ATP11A: variants seen among roughly 807,000 people sequenced by gnomAD.
ATP11A encodes the protein phospholipid-transporting ATPase IH.
A neutral mutation model predicts 154.4 loss-of-function variants in ATP11A; 81 were observed. The ratio of observed to expected loss-of-function variants is 0.52; its 90% CI spans 0.44 to 0.63. ATP11A has a LOEUF of 0.63. Among genes scored for constraint, ATP11A ranks in the 30% least tolerant of loss-of-function variants. The pLI, the probability that ATP11A is intolerant of heterozygous loss-of-function variation, is 0.00. For missense variants in ATP11A, 1,316 were observed against 1,474.3 expected, an observed-to-expected ratio of 0.89 and a Z score of 1.76; for synonymous variants, 623 against 585.9, an observed-to-expected ratio of 1.06 and a Z score of -0.91.
chr13:112,854,652 G>A, intron 19 of ATP11A, 122 bp downstream of exon 19: 5 of 1,199,932 alleles, frequency 4.2e-6, no homozygotes, highest in Non-Finnish European at 5.7e-6. Context: ...TCTCCCCTGG[G>A]GCATTAATGC....
At chr13:112,854,240 G>A in intron 18 of ATP11A, 39 bp from the exon 19 acceptor site, 1 of 1,606,048 alleles carries the variant, frequency 6.2e-7, no homozygotes. Context: ...GGTCAGCACT[G>A]ACTTTTCTCT....
intron 1 of ATP11A, among the ~76,000 whole-genome samples, chr13:112,722,317 G>C (rs1889298778): frequency 6.6e-6 from 1 of 151,514 alleles, no homozygotes; most frequent in Non-Finnish European, 1.5e-5. Context: ...GGGAGAGGGG[G>C]GCGGCCAGGG....
intron 1 of ATP11A, among the ~76,000 whole-genome samples, chr13:112,715,443 C>CCATCCCCCA (rs1333469888): frequency 6.9e-6 from 1 of 144,142 alleles, no homozygotes; most frequent in Non-Finnish European, 1.5e-5. Context: ...CACACCTGGC[C>CCATCCCCCA]CACCTCCCCA....
At chr13:112,831,157 G>C (rs1452086248) in intron 12 of ATP11A, among the ~76,000 whole-genome samples, 1 of 152,162 alleles carries the variant, frequency 6.6e-6, no homozygotes, top group Non-Finnish European at 1.5e-5. Flanking sequence ...AATTGCACCT[G>C]CCAGGACTGC....
chr13:112,719,551 C>T (rs897128262), intron 1 of ATP11A, among the ~76,000 whole-genome samples: 35 of 152,266 alleles, frequency 2.3e-4, no homozygotes, highest in African/African-American at 7.7e-4. Flanking sequence ...GGGCAGCGTC[C>T]GTTCTACATA....
intron 1 of ATP11A, among the ~76,000 whole-genome samples, chr13:112,701,020 A>G (rs2139492441): frequency 6.6e-6 from 1 of 152,312 alleles, no homozygotes; most frequent in South Asian, 2.1e-4. Context: ...CTGCTGAGGG[A>G]TCAGCCGACC....
At chr13:112,810,218 C>A (rs1040384666) in intron 4 of ATP11A, among the ~76,000 whole-genome samples, 3 of 152,222 alleles carry the variant, frequency 2.0e-5, no homozygotes, top group South Asian at 4.1e-4. Flanking sequence ...ACTGGCTCCA[C>A]GTCTTCGGGG....
At chr13:112,755,349 G>A (rs377059078) in intron 1 of ATP11A, among the ~76,000 whole-genome samples, 8 of 152,232 alleles carry the variant, frequency 5.3e-5, no homozygotes, top group African/African-American at 1.9e-4. Flanking sequence ...ACTCTGCCCA[G>A]CTTGGACAGT....
At chr13:112,873,338 G>A (rs909165158) in intron 26 of ATP11A, 21 of 467,166 alleles carry the variant, frequency 4.5e-5, no homozygotes, top group South Asian at 1.8e-4. Context: ...CTTCCTGAGC[G>A]GTGTGAGGTG....
intron 1 of ATP11A, among the ~76,000 whole-genome samples, chr13:112,766,674 G>C (rs1346130429): frequency 6.6e-6 from 1 of 152,024 alleles, no homozygotes; most frequent in Non-Finnish European, 1.5e-5. Flanking sequence ...CCCAGGATGG[G>C]GGCAGAAGCA....
intron 16 of ATP11A, among the ~76,000 whole-genome samples, chr13:112,841,854 A>C (rs1261307431): frequency 6.6e-6 from 1 of 152,234 alleles, no homozygotes; most frequent in Non-Finnish European, 1.5e-5. Context: ...CCAAGTTCAG[A>C]GGTGGCCCGG....
chr13:112,702,750 G>A (rs541987800), intron 1 of ATP11A, among the ~76,000 whole-genome samples: 21 of 152,362 alleles, frequency 1.4e-4, no homozygotes, highest in African/African-American at 3.8e-4. Context: ...GGCGGCCAGA[G>A]GCATGGGTCT....
chr13:112,809,594 C>T (rs528544657), intron 4 of ATP11A, among the ~76,000 whole-genome samples: 1 of 152,316 alleles, frequency 6.6e-6, no homozygotes, highest in East Asian at 1.9e-4. Flanking sequence ...TTCCTGCTGC[C>T]ATCCTGCGTG....
chr13:112,862,670 C>G lies in ATP11A; in HGVS notation c.2991+95C>G, dbSNP rs549741659. ...TTTGCCAAAGCAGAATTCAGTGCAG[C>G]CCATGCAGCTTCCCAGCGGGGTCCA... On this transcript the variant is annotated intron_variant, in intron 25 of 29. Coordinates refer to ENST00000375645, the MANE Select transcript of ATP11A (RefSeq NM_015205.3). 10 of 1,530,848 alleles carry G rather than the reference C, an allele frequency of 6.5e-6. No individual in the cohort carries two copies. The East Asian group carries it at 2.0e-4, about 31-fold the overall frequency. 94.8% of individuals were successfully genotyped at this position (1,530,848 alleles called of 1,614,324 possible).
chr13:112,755,525 C>G (rs1342570356), intron 1 of ATP11A, among the ~76,000 whole-genome samples: 1 of 152,272 alleles, frequency 6.6e-6, no homozygotes, highest in African/African-American at 2.4e-5. Context: ...AAGAGCCTCC[C>G]TGCAGGACTG....
rs72007310 is a variant in ATP11A at position 112,885,235 on chromosome 13, TAC to T, written c.*3375_*3376del. On this transcript the variant is annotated 3_prime_UTR_variant, in exon 30 of 30. Transcript: ENST00000375645. The stretch of plus-strand genomic sequence containing the variant: ...TAAGTTCCTACACACGGACGTGTGA[TAC>T]ACACATGCATGTACAGGTAAGCACA... 6.6e-6 allele frequency: 1 copy of T among 152,078 alleles called. No individual in the cohort carries two copies. Among genetic ancestry groups the T allele is most frequent in the Non-Finnish European group, 1.5e-5 (1 of 68,000 alleles). 9.4% of individuals were successfully genotyped at this position (152,078 alleles called of 1,614,324 possible).
Position 112,863,985 on chromosome 13 carries a change from G to A in ATP11A, c.2991+1410G>A, listed in dbSNP as rs1373450658. Reference sequence around the variant, plus strand: ...AGTGCGGCCCATGCAGCTTCCCAGCGGGGTCCATCACCACGTGCACAGTAA... The same window carrying A: ...AGTGCGGCCCATGCAGCTTCCCAGCAGGGTCCATCACCACGTGCACAGTAA... On this transcript the variant is annotated intron_variant, in intron 25 of 29. Transcript: ENST00000375645. Among the ~76,000 whole-genome samples the A allele has an allele frequency of 1.6e-4, 12 of 77,372 alleles. 2 individuals are homozygous for A. The highest frequency in any genetic ancestry group is 4.7e-4 in the East Asian group (1 of 2,146). 50.8% of individuals were successfully genotyped at this position (77,372 alleles called of 152,430 possible).
At chr13:112,864,867 C>T (rs1440814591) in intron 25 of ATP11A, among the ~76,000 whole-genome samples, 5 of 69,304 alleles carry the variant, frequency 7.2e-5, no homozygotes, top group Non-Finnish European at 1.4e-4. Flanking sequence ...TCACCACCTG[C>T]GCAGTAATTC....
At chr13:112,845,886 G>A (rs547474769) in intron 17 of ATP11A, among the ~76,000 whole-genome samples, 68 of 152,044 alleles carry the variant, frequency 4.5e-4, no homozygotes, top group South Asian at 1.7e-3. Context: ...TTCATTTGCC[G>A]GGCACTCGCA....
Sources: gnomAD v4.1 joint callset for allele counts (sites outside exome capture counted in the v4.1 genomes callset) on GRCh38, gnomAD v4.1.1 for gene constraint, MANE v1.5 for transcripts, NCBI Gene and HGNC (gene_info 2026-07-23, HGNC 2026-07-21) for gene names.